Variants in PACRG observed in about 807,000 individuals in gnomAD.
PACRG encodes parkin coregulated, also known as parkin coregulated gene protein.
In PACRG, 29 loss-of-function variants were observed where a neutral mutation model predicts 29.7. That is an observed-to-expected ratio of 0.98 (90% CI 0.73 to 1.33). The LOEUF is 1.33. Ranked by LOEUF, PACRG falls within the 40% of genes most tolerant of loss-of-function variation. The pLI, the probability that PACRG is intolerant of heterozygous loss-of-function variation, is 0.00. For missense variants in PACRG, 279 were observed against 316.2 expected, an observed-to-expected ratio of 0.88 and a Z score of 0.89; for synonymous variants, 116 against 118.7, an observed-to-expected ratio of 0.98 and a Z score of 0.15.
chr6:163,128,139 A>C (rs759251632), intron 4 of PACRG, among the ~76,000 whole-genome samples: 2 of 152,244 alleles, frequency 1.3e-5, no homozygotes, highest in Non-Finnish European at 2.9e-5. Context: ...AAGCCACTTA[A>C]AATTGGATGA....
chr6:162,891,794 T>C (rs894177018), intron 2 of PACRG, among the ~76,000 whole-genome samples: 1 of 152,154 alleles, frequency 6.6e-6, no homozygotes, highest in African/African-American at 2.4e-5. Flanking sequence ...AGTGTGGACC[T>C]GTTTCGATGA....
intron 2 of PACRG, among the ~76,000 whole-genome samples, chr6:163,003,891 C>T (rs1584983864): frequency 1.3e-5 from 2 of 152,134 alleles, no homozygotes; most frequent in East Asian, 3.9e-4. Flanking sequence ...TAATCTTCCC[C>T]AGCTAAAAAG....
At chr6:162,812,964 T>A (rs1170945099) in intron 1 of PACRG, among the ~76,000 whole-genome samples, 1 of 152,040 alleles carries the variant, frequency 6.6e-6, no homozygotes, top group Non-Finnish European at 1.5e-5. Flanking sequence ...TAAACTCTAA[T>A]AAATGTGTGT....
At chr6:162,960,488 G>A (rs1800517749) in intron 2 of PACRG, among the ~76,000 whole-genome samples, 1 of 152,146 alleles carries the variant, frequency 6.6e-6, no homozygotes, top group Admixed American at 6.5e-5. Flanking sequence ...ATTATCCTAA[G>A]CAAATTAACG....
At chr6:162,914,951 TG>T (rs1796605448) in intron 2 of PACRG, among the ~76,000 whole-genome samples, 1 of 152,048 alleles carries the variant, frequency 6.6e-6, no homozygotes, top group South Asian at 2.1e-4. Context: ...TTGAGATTTT[TG>T]TATAAACAAT....
chr6:162,863,199 A>G (rs987693119), intron 2 of PACRG, among the ~76,000 whole-genome samples: 2 of 152,168 alleles, frequency 1.3e-5, no homozygotes, highest in East Asian at 1.9e-4. Flanking sequence ...GATGTGGGCT[A>G]TGTGCTCTAC....
At chr6:163,202,944 C>T (rs1199673359) in intron 4 of PACRG, among the ~76,000 whole-genome samples, 1 of 152,030 alleles carries the variant, frequency 6.6e-6, no homozygotes, top group Non-Finnish European at 1.5e-5. Flanking sequence ...CTGTGGAGTG[C>T]GTTCTCCAAA....
At chr6:163,201,573 T>A (rs1291254684) in intron 4 of PACRG, among the ~76,000 whole-genome samples, 2 of 152,178 alleles carry the variant, frequency 1.3e-5, no homozygotes, top group Non-Finnish European at 2.9e-5. Flanking sequence ...CTCATCCACC[T>A]CCTGCCCCAG....
chr6:162,928,016 G>T (rs1427679428), intron 2 of PACRG, among the ~76,000 whole-genome samples: 5 of 151,978 alleles, frequency 3.3e-5, no homozygotes, highest in African/African-American at 1.2e-4. Flanking sequence ...TCTGGTTTTG[G>T]TATGAGGGTA....
At chr6:163,061,247 C>A (rs1811073300) in intron 2 of PACRG, among the ~76,000 whole-genome samples, 1 of 152,196 alleles carries the variant, frequency 6.6e-6, no homozygotes, top group Non-Finnish European at 1.5e-5. Flanking sequence ...CATGTACACT[C>A]TCACCTTCAG....
At chr6:163,270,693 C>G (rs1783792636) in intron 4 of PACRG, among the ~76,000 whole-genome samples, 1 of 151,710 alleles carries the variant, frequency 6.6e-6, no homozygotes, top group Admixed American at 6.6e-5. Context: ...TTTTTAAAGC[C>G]CAAATACAAT....
At chr6:162,727,780 C>T (rs1779380188), upstream of PACRG, 8 of 1,157,988 alleles carry the variant, frequency 6.9e-6, no homozygotes, top group Admixed American at 2.1e-5. Context: ...GGCCTCCCCG[C>T]CCCCGCGCCC....
At chr6:162,830,123 T>C (rs1788623830) in intron 2 of PACRG, among the ~76,000 whole-genome samples, 1 of 152,102 alleles carries the variant, frequency 6.6e-6, no homozygotes, top group Admixed American at 6.6e-5. Flanking sequence ...TCTTGCCCCA[T>C]TCCTCACTTT....
At chr6:163,033,973 T>C (rs1807916637) in intron 2 of PACRG, among the ~76,000 whole-genome samples, 1 of 152,210 alleles carries the variant, frequency 6.6e-6, no homozygotes, top group Non-Finnish European at 1.5e-5. Flanking sequence ...CCAGATTGGC[T>C]ACAGCTTAAG....
chr6:163,257,563 A>C (rs1466556381), intron 4 of PACRG, among the ~76,000 whole-genome samples: 2 of 152,166 alleles, frequency 1.3e-5, no homozygotes, highest in Non-Finnish European at 2.9e-5. Flanking sequence ...CTGTTTCTCT[A>C]TGTTTTCAAA....
chr6:162,776,981 C>T (rs4709651), intron 1 of PACRG, among the ~76,000 whole-genome samples: 97,877 of 152,076 alleles, frequency 0.64, 31,923 homozygotes, highest in South Asian at 0.82. Flanking sequence ...GGGTACAGTG[C>T]ACACTGCTCA....
chr6:163,290,026 T>C (rs1784533690), intron 4 of PACRG, among the ~76,000 whole-genome samples: 1 of 152,012 alleles, frequency 6.6e-6, no homozygotes, highest in Non-Finnish European at 1.5e-5. Flanking sequence ...TTTGTATTTT[T>C]AGTAGAGACT....
At chr6:163,308,901 AG>A (rs1785296166) in intron 4 of PACRG, among the ~76,000 whole-genome samples, 1 of 152,192 alleles carries the variant, frequency 6.6e-6, no homozygotes, top group South Asian at 2.1e-4. Flanking sequence ...CAAAGGTTAC[AG>A]GTCTTAATAG....
At position 163,253,709 on chromosome 6, in the gene PACRG, A is replaced by G. The variant is rs559888557; in HGVS notation, c.614-61118A>G. ...AAATAGAATGCACGTTATCAGGACC[A>G]GAGTAATATTAGAAGAGATTAAGCC... On this transcript the variant is annotated intron_variant, in intron 4 of 4. Coordinates refer to ENST00000366888, the MANE Select transcript of PACRG (RefSeq NM_001080379.2). 1.9e-4 allele frequency among the ~76,000 whole-genome samples: 29 copies of G among 152,372 alleles called. No individual in the cohort carries two copies. In the South Asian group the frequency reaches 2.3e-3, roughly 12 times the overall value.
Sources: gnomAD v4.1 joint callset for allele counts (sites outside exome capture counted in the v4.1 genomes callset) on GRCh38, gnomAD v4.1.1 for gene constraint, MANE v1.5 for transcripts, NCBI Gene and HGNC (gene_info 2026-07-23, HGNC 2026-07-21) for gene names.